Variants in VILL observed in about 807,000 individuals in gnomAD.
VILL encodes the protein villin like, also known as villin-like protein.
In VILL, 102 loss-of-function variants were observed where a neutral mutation model predicts 106.3. That is an observed-to-expected ratio of 0.96 (90% CI 0.82 to 1.13). The LOEUF (loss-of-function observed/expected upper bound fraction) is 1.13. Ranked by LOEUF, VILL falls within the 50% of genes most tolerant of loss-of-function variation. The probability of loss-of-function intolerance (pLI) is 0.00; values close to 1 mark genes in which losing one functional copy is unlikely to be tolerated. For missense variants in VILL, 1,076 were observed against 1,116.6 expected (o/e 0.96, Z 0.52); for synonymous variants, 431 against 440.3 (o/e 0.98, Z 0.27).
chr3:37,995,644 G>A lies in VILL; in HGVS notation c.342-95G>A, dbSNP rs147516860. On this transcript the variant is annotated intron_variant, in intron 4 of 19. Transcript: ENST00000383759. ...GTGCATGTATGAAGCAGGCACATAC[G>A]TGCACGTGCTCACATCTGCAGTCAT... 6.8e-4 allele frequency: 674 copies of A among 985,216 alleles called. 1 individual carries two copies. The highest frequency in any genetic ancestry group is 2.9e-3 in the East Asian group (117 of 40,058). The allele number at this position is 985,216 out of a possible 1,614,324, so 61.0% of individuals were successfully genotyped here. A position where few individuals can be genotyped will look rare whatever the true frequency, so the allele number is the denominator to read the frequency against.
chr3:37,999,409 G>C lies in VILL; in HGVS notation c.1152G>C (p.Arg384Ser), dbSNP rs1699773339. Residue 384 changes from arginine (R) to serine (S), a missense_variant, in exon 11 of 20, where the codon AGG becomes AGC. Arg to Ser is a moderately radical substitution (Grantham distance 110). Transcript: ENST00000383759. Reference sequence around the variant, plus strand: ...AGCCTAAGTTAGCGGCCCAGCTCAGGATGGTGGACGACGGCTCTGGGAAGG... The same window carrying C: ...AGCCTAAGTTAGCGGCCCAGCTCAGCATGGTGGACGACGGCTCTGGGAAGG... The part of the protein sequence containing the change: ...HTQPKLAAQL[R>S]MVDDGSGKVE... The C allele has an allele frequency of 6.7e-7, 1 of 1,494,398 alleles. No individual in the cohort carries two copies. Among genetic ancestry groups the C allele is most frequent in the Admixed American group, 2.5e-5 (1 of 39,474 alleles). 92.6% of individuals were successfully genotyped at this position (1,494,398 alleles called of 1,614,324 possible). A position where few individuals can be genotyped will look rare whatever the true frequency, so the allele number is the denominator to read the frequency against.
intron 11 of VILL, among the ~76,000 whole-genome samples, chr3:37,999,974 C>G (rs931414558): frequency 2.0e-5 from 3 of 152,266 alleles, no homozygotes; most frequent in African/African-American, 7.2e-5. Context: ...CAGTGTCCTG[C>G]GAGACGCAGG....
rs145696544 is a variant in VILL, at chr3:38,001,504, C to T, written c.1231C>T (p.His411Tyr). ...CAGGCAGCCCGTGGACCCCAAGCGT[C>T]ATGGACAGCTGTGTGCAGGCAACTG... ...LHRQPVDPKR[H>Y]GQLCAGNCYL... Residue 411 changes from histidine (H) to tyrosine (Y), a missense_variant, in exon 12 of 20, where the codon CAT becomes TAT. Physicochemically the swap from His to Tyr is moderately conservative, Grantham distance 83. Coordinates refer to ENST00000383759, the MANE Select transcript of VILL (RefSeq NM_015873.4). 400 of 1,614,120 alleles carry T rather than the reference C, an allele frequency of 2.5e-4. No homozygotes were observed. The highest frequency in any genetic ancestry group is 3.2e-4 in the Non-Finnish European group (381 of 1,180,036).
At chr3:37,993,845 GGT>G in intron 2 of VILL, 51 bp from the exon 3 acceptor site, 1 of 1,610,048 alleles carries the variant, frequency 6.2e-7, no homozygotes. Context: ...CACCCCAGCG[GGT>G]GTCATGGGTA....
chr3:38,004,438 G>A, intron 16 of VILL, 39 bp downstream of exon 16: 2 of 1,588,978 alleles, frequency 1.3e-6, no homozygotes, highest in Non-Finnish European at 1.7e-6. Context: ...CTGTGAACGG[G>A]GGTGTGTTTC....
chr3:37,994,494 GGGAGCCGT>G, intron 4 of VILL, 28 bp downstream of exon 4: 2 of 1,599,806 alleles, frequency 1.3e-6, no homozygotes, highest in South Asian at 2.2e-5. Context: ...CGGGGCAGGA[GGGAGCCGT>G]GGAGGCGGTG....
At chr3:38,000,949 G>T (rs181160900) in intron 11 of VILL, 3 of 457,196 alleles carry the variant, frequency 6.6e-6, no homozygotes, top group South Asian at 4.6e-5. Context: ...ACCAGAGTCC[G>T]CCTGGCTCCA....
rs749649283 is a variant in VILL at position 37,999,436 on chromosome 3, G to A, written c.1179G>A (p.Val393=). ...LRMVDDGSGK[V]EVWCIQDLHR... ...TGGTGGACGACGGCTCTGGGAAGGT[G>A]GAGGTGAGGGGTACTGGGTTAGCTG... is the stretch of plus-strand genomic sequence containing the variant. Residue 393 remains valine (V), a synonymous_variant, in exon 11 of 20, where the codon GTG becomes GTA. Transcript: ENST00000383759. The A allele has an allele frequency of 6.7e-7, 1 of 1,481,814 alleles. No individual in the cohort carries two copies. The highest frequency in any genetic ancestry group is 1.4e-5 in the South Asian group (1 of 71,008). 91.8% of individuals were successfully genotyped at this position (1,481,814 alleles called of 1,614,324 possible).
Position 37,998,442 on chromosome 3 carries a change from T to C in VILL, c.942+78T>C. ...GTGGGGAGGCAGCTCCGCCCCAGGGTCTAAGGGAGGAATCAGCCCTCCCCT... is the reference window on the plus strand; with the variant it reads ...GTGGGGAGGCAGCTCCGCCCCAGGGCCTAAGGGAGGAATCAGCCCTCCCCT... On this transcript the variant is annotated intron_variant, in intron 9 of 19. Transcript: ENST00000383759. The surrounding 1 kb of genome is among the most constrained non-coding windows in gnomAD (Gnocchi z 4.1). 1 of 1,332,056 alleles carries C rather than the reference T, an allele frequency of 7.5e-7. No homozygotes were observed. The allele number at this position is 1,332,056 out of a possible 1,614,324, so 82.5% of individuals were successfully genotyped here.
chr3:37,999,228 A>G, intron 10 of VILL, 111 bp from the exon 11 acceptor site: 1 of 1,066,852 alleles, frequency 9.4e-7, no homozygotes. Flanking sequence ...TGGGCTGCGG[A>G]GGACGCGGCG....
At chr3:37,989,576 GAACA>G (rs1429248134), upstream of VILL, among the ~76,000 whole-genome samples, 2 of 152,164 alleles carry the variant, frequency 1.3e-5, no homozygotes, top group African/African-American at 2.4e-5. Context: ...GGGAATTCAA[GAACA>G]AACAGAGCGG....
Position 37,998,768 on chromosome 3 carries a change from CAG to C in VILL, c.943-141_943-140del. ...GGGACCTCAGAGAAGTCGGTGGTGA[CAG>C]AGTCAATTCGCTAAGTGGGTCATGA... On this transcript the variant is annotated intron_variant, in intron 9 of 19. Coordinates refer to ENST00000383759, the MANE Select transcript of VILL (RefSeq NM_015873.4). This position sits in a 1 kb window ranked among gnomAD's most constrained non-coding sequence, Gnocchi z 4.1. The C allele has an allele frequency of 1.4e-6, 2 of 1,385,648 alleles. No individual in the cohort carries two copies. The highest frequency in any genetic ancestry group is 1.9e-6 in the Non-Finnish European group (2 of 1,055,314). The allele number at this position is 1,385,648 out of a possible 1,614,324, so 85.8% of individuals were successfully genotyped here.
Position 38,006,494 on chromosome 3 carries a change from G to T in VILL, c.2251G>T (p.Ala751Ser). The change falls in exon 19 of 20, where the codon GCA becomes TCA. Residue 751 changes from alanine (A) to serine (S), a missense_variant. Ala to Ser is a moderately conservative substitution (Grantham distance 99, BLOSUM62 1). Transcript: ENST00000383759. ...ATCCAGATGGCCGGGCAATGGCAGGGCAGGTGCCGTGGCCCTGCAGGCCCT... is the reference window on the plus strand; with the variant it reads ...ATCCAGATGGCCGGGCAATGGCAGGTCAGGTGCCGTGGCCCTGCAGGCCCT... ...RLSRWPGNGR[A>S]GAVALQALKG... is the part of the protein sequence containing the mutation. 1.2e-6 allele frequency: 2 copies of T among 1,609,540 alleles called. No individual in the cohort carries two copies. The highest frequency in any genetic ancestry group is 1.7e-4 in the Middle Eastern group (1 of 6,042).
intron 11 of VILL, among the ~76,000 whole-genome samples, chr3:37,999,985 G>A (rs1425794236): frequency 6.6e-6 from 1 of 152,278 alleles, no homozygotes; most frequent in African/African-American, 2.4e-5. Context: ...GAGACGCAGG[G>A]GTTGAGGGCT....
chr3:37,992,882 G>C (rs1476749820), intron 1 of VILL, among the ~76,000 whole-genome samples: 2 of 152,198 alleles, frequency 1.3e-5, no homozygotes, highest in Non-Finnish European at 2.9e-5. Flanking sequence ...ACCTGATTCT[G>C]TAACTCTGTC....
upstream of VILL, among the ~76,000 whole-genome samples, chr3:37,990,100 C>T (rs1050663798): frequency 6.6e-6 from 1 of 152,224 alleles, no homozygotes; most frequent in African/African-American, 2.4e-5. This position sits in a 1 kb window ranked among gnomAD's most constrained non-coding sequence, Gnocchi z 5.1. Flanking sequence ...GAGGTTGTGC[C>T]CCTGGAGTTT....
At chr3:37,996,582 A>G (rs1182622972) in intron 5 of VILL, among the ~76,000 whole-genome samples, 1 of 152,138 alleles carries the variant, frequency 6.6e-6, no homozygotes, top group Non-Finnish European at 1.5e-5. Flanking sequence ...CACAGAGACA[A>G]TCCCACATAG....
In VILL at chr3:38,002,476, C is replaced by T; in HGVS notation, c.1560C>T (p.Asn520=). 6.2e-7 allele frequency: 1 copy of T among 1,614,192 alleles called. No homozygotes were observed. Among genetic ancestry groups the T allele is most frequent in the African/African-American group, 1.3e-5 (1 of 75,070 alleles). The change falls in exon 14 of 20, where the codon AAC becomes AAT. Residue 520 remains asparagine, a synonymous_variant. Transcript: ENST00000383759. ...AAGTGCAAGGCACTGACAGCCACAACACCAGGACCATGGAGGTGCCAGCCC... is the reference window on the plus strand; with the variant it reads ...AAGTGCAAGGCACTGACAGCCACAATACCAGGACCATGGAGGTGCCAGCCC... ...LFQVQGTDSH[N]TRTMEVPARA... is the part of the protein sequence containing the mutation.
chr3:38,001,687 TG>T lies in VILL; in HGVS notation c.1321-14del. ...AGAGCTGGGCCAGGCCCTCACTCACTGCCCCCACCTGCAGGGCCACCAGGCC... is the reference window on the plus strand; with the variant it reads ...AGAGCTGGGCCAGGCCCTCACTCACTCCCCCACCTGCAGGGCCACCAGGCC... On this transcript the variant is annotated splice_polypyrimidine_tract_variant and intron_variant, in intron 12 of 19. Transcript: ENST00000383759. 11 of 1,614,032 alleles carry T rather than the reference TG, an allele frequency of 6.8e-6. No individual in the cohort carries two copies. The highest frequency in any genetic ancestry group is 9.3e-6 in the Non-Finnish European group (11 of 1,179,892).
Sources: gnomAD v4.1 joint callset for allele counts (sites outside exome capture counted in the v4.1 genomes callset) on GRCh38, gnomAD v4.1.1 for gene constraint, Gnocchi (gnomAD v3.1) non-coding constraint, MANE v1.5 for transcripts, NCBI Gene and HGNC (gene_info 2026-07-23, HGNC 2026-07-21) for gene names.